UGT2B15: variants seen among roughly 807,000 people sequenced by gnomAD.
The protein encoded by UGT2B15 is UDP-glucuronosyltransferase 2B15.
A neutral mutation model predicts 45.9 loss-of-function variants in UGT2B15; 36 were observed. The ratio of observed to expected loss-of-function variants is 0.78; its 90% CI spans 0.60 to 1.04. The LOEUF (loss-of-function observed/expected upper bound fraction) is 1.04. Ranked by LOEUF, UGT2B15 falls within the 50% of genes least tolerant of loss-of-function variation. The pLI, the probability that UGT2B15 is intolerant of heterozygous loss-of-function variation, is 0.00. For synonymous variants in UGT2B15, 219 were observed against 216.4 expected, an observed-to-expected ratio of 1.01 and a Z score of -0.11; for missense variants, 617 against 622.4, an observed-to-expected ratio of 0.99 and a Z score of 0.09.
intron 2 of UGT2B15, among the ~76,000 whole-genome samples, chr4:68,663,570 TA>T (rs1166200005): frequency 6.6e-6 from 1 of 152,142 alleles, no homozygotes; most frequent in African/African-American, 2.4e-5. Flanking sequence ...TATTTTATTT[TA>T]TTTTTTTCTG....
At position 68,663,664 on chromosome 4, in the gene UGT2B15, T is replaced by A. The variant is rs1475450207; in HGVS notation, c.874-525A>T. ...AAAGTTAGTTACAATTGGAATGATATTATATCTACATTTATTTAGCTTCTA... is the reference window on the plus strand; with the variant it reads ...AAAGTTAGTTACAATTGGAATGATAATATATCTACATTTATTTAGCTTCTA... On this transcript the variant is annotated intron_variant, in intron 2 of 5. Coordinates refer to ENST00000338206, the MANE Select transcript of UGT2B15 (RefSeq NM_001076.4). 3.3e-5 allele frequency among the ~76,000 whole-genome samples: 5 copies of A among 152,128 alleles called. No individual in the cohort carries two copies. In the East Asian group the frequency reaches 7.7e-4, roughly 24 times the overall value.
chr4:68,654,014 G>T, intron 5 of UGT2B15, 23 bp downstream of exon 5: 6 of 1,603,554 alleles, frequency 3.7e-6, no homozygotes, highest in Non-Finnish European at 5.1e-6. Context: ...AATACCACCT[G>T]GTCACAAAAC....
intron 2 of UGT2B15, among the ~76,000 whole-genome samples, chr4:68,666,452 T>C (rs537073436): frequency 6.6e-6 from 1 of 152,226 alleles, no homozygotes; most frequent in Non-Finnish European, 1.5e-5. Flanking sequence ...TCACTGGCTG[T>C]GTGTCAGAGA....
chr4:68,668,253 G>C, intron 1 of UGT2B15, 65 bp from the exon 2 acceptor site: 1 of 1,598,788 alleles, frequency 6.3e-7, no homozygotes, highest in South Asian at 1.1e-5. Flanking sequence ...TGAATATGCA[G>C]GTATTTTCCT....
chr4:68,659,854 C>T (rs1732911983), intron 3 of UGT2B15, among the ~76,000 whole-genome samples: 1 of 151,550 alleles, frequency 6.6e-6, no homozygotes, highest in Non-Finnish European at 1.5e-5. Flanking sequence ...CAGGAATTAA[C>T]TACATGGACT....
At chr4:68,668,319 A>AATATAT (rs1733203367) in intron 1 of UGT2B15, 131 bp from the exon 2 acceptor site, 2 of 1,263,446 alleles carry the variant, frequency 1.6e-6, no homozygotes, top group South Asian at 3.7e-5. Context: ...GCATTGATAA[A>AATATAT]ATATATATAA....
chr4:68,654,589 T>A (rs1463145722), intron 4 of UGT2B15, among the ~76,000 whole-genome samples: 5 of 151,922 alleles, frequency 3.3e-5, no homozygotes, highest in Non-Finnish European at 2.9e-5. Context: ...TAATTTTTTT[T>A]AAAAGGCAGC....
At chr4:68,666,754 T>TATATA (rs202047313) in intron 2 of UGT2B15, among the ~76,000 whole-genome samples, 100 of 120,074 alleles carry the variant, frequency 8.3e-4, no homozygotes, top group Middle Eastern at 4.4e-3. Flanking sequence ...ATATATATAT[T>TATATA]TTTTTTTTTT....
At chr4:68,664,207 C>T (rs569658913) in intron 2 of UGT2B15, among the ~76,000 whole-genome samples, 39 of 151,376 alleles carry the variant, frequency 2.6e-4, no homozygotes, top group Middle Eastern at 3.4e-3. Context: ...CCTGATGTGT[C>T]CCTGTTTTTA....
chr4:68,653,796 T>G (rs1415245039), intron 5 of UGT2B15, among the ~76,000 whole-genome samples: 4 of 152,046 alleles, frequency 2.6e-5, no homozygotes, highest in Non-Finnish European at 4.4e-5. Flanking sequence ...AATAATTATC[T>G]ACATATCTTT....
At chr4:68,656,245 A>AT (rs1174506645) in intron 3 of UGT2B15, among the ~76,000 whole-genome samples, 1 of 152,014 alleles carries the variant, frequency 6.6e-6, no homozygotes, top group Non-Finnish European at 1.5e-5. Context: ...TTCTTTCCTG[A>AT]TTCTAGGATG....
intron 3 of UGT2B15, 56 bp from the exon 4 acceptor site, chr4:68,655,238 T>C (rs1317254695): frequency 1.2e-5 from 19 of 1,577,018 alleles, no homozygotes; most frequent in Admixed American, 1.7e-5. Context: ...AAACATAGCA[T>C]GTTAGAATTC....
At chr4:68,660,565 C>T (rs1165996373) in intron 3 of UGT2B15, among the ~76,000 whole-genome samples, 1 of 151,404 alleles carries the variant, frequency 6.6e-6, no homozygotes, top group Non-Finnish European at 1.5e-5. Flanking sequence ...ATCAGTTGTA[C>T]CATGGTTTGT....
chr4:68,669,643 G>C (rs558399991), intron 1 of UGT2B15, among the ~76,000 whole-genome samples: 36 of 152,164 alleles, frequency 2.4e-4, no homozygotes, highest in African/African-American at 8.2e-4. Context: ...ATAGTTTAAA[G>C]AAATCATTAG....
Position 68,670,511 on chromosome 4 carries a change from C to T in UGT2B15, c.108G>A (p.Trp36Ter). The change falls in exon 1 of 6, where the codon TGG becomes TGA. Residue 36 changes from tryptophan to a stop codon, truncating the protein, a stop_gained. Transcript: ENST00000338206. LOFTEE classifies it high-confidence loss of function. ...VLVWPTEYSH[W>*]INMKTILEEL... ...CTTCCAGGATTGTCTTCATATTTAT[C>T]CAATGGCTGTATTCTGTGGGCCACA... 1 of 1,613,996 alleles carries T rather than the reference C, an allele frequency of 6.2e-7. No homozygotes were observed. The highest frequency in any genetic ancestry group is 8.5e-7 in the Non-Finnish European group (1 of 1,179,964).
At chr4:68,655,027 A>T (rs1732762529) in intron 4 of UGT2B15, 68 bp downstream of exon 4, 1 of 1,520,402 alleles carries the variant, frequency 6.6e-7, no homozygotes, top group Admixed American at 1.8e-5. Flanking sequence ...TGTTTGTTTT[A>T]TGTTGAACTA....
intron 5 of UGT2B15, among the ~76,000 whole-genome samples, 189 bp downstream of exon 5, chr4:68,653,848 C>T (rs1197776276): frequency 6.6e-6 from 1 of 151,754 alleles, no homozygotes; most frequent in East Asian, 1.9e-4. Context: ...ATTGGTGACC[C>T]ATTAAATCTG....
intron 5 of UGT2B15, among the ~76,000 whole-genome samples, chr4:68,652,026 G>A (rs2639342): frequency 1.3e-5 from 2 of 152,008 alleles, no homozygotes; most frequent in Admixed American, 1.3e-4. Flanking sequence ...TTTTCCATTT[G>A]TTTGTGTCCT....
At chr4:68,651,108 T>G (rs976493692) in intron 5 of UGT2B15, among the ~76,000 whole-genome samples, 3 of 151,856 alleles carry the variant, frequency 2.0e-5, no homozygotes, top group African/African-American at 7.3e-5. Context: ...GGTTGCCTGT[T>G]CCCTCTGACG....
Sources: gnomAD v4.1 joint callset for allele counts (sites outside exome capture counted in the v4.1 genomes callset) on GRCh38, gnomAD v4.1.1 for gene constraint, MANE v1.5 for transcripts, NCBI Gene and HGNC (gene_info 2026-07-23, HGNC 2026-07-21) for gene names.